ZMYND8: variants seen among roughly 807,000 people sequenced by gnomAD.
The protein encoded by ZMYND8 is MYND-type zinc finger-containing chromatin reader ZMYND8.
ZMYND8 carries 37 observed loss-of-function variants against 140.8 expected under a neutral mutation model. That is an observed-to-expected ratio of 0.26 (90% CI 0.20 to 0.35). The LOEUF is 0.35. ZMYND8 is among the 10% of genes least tolerant of loss of function. The pLI, the probability that ZMYND8 is intolerant of heterozygous loss-of-function variation, is 1.00. For missense variants in ZMYND8, 1,068 were observed against 1,570.0 expected (o/e 0.68, Z 5.40); for synonymous variants, 592 against 597.1 (o/e 0.99, Z 0.12).
chr20:47,242,740 T>A (rs932370432), intron 14 of ZMYND8, among the ~76,000 whole-genome samples: 1 of 152,186 alleles, frequency 6.6e-6, no homozygotes, highest in Admixed American at 6.5e-5. Context: ...CCGATAAGAT[T>A]CCAGGCTCAA....
chr20:47,284,028 T>C (rs1013865189), intron 8 of ZMYND8, among the ~76,000 whole-genome samples: 1 of 152,146 alleles, frequency 6.6e-6, no homozygotes, highest in Non-Finnish European at 1.5e-5. Context: ...GTTCAAGCAA[T>C]TCTCGTGCCT....
chr20:47,241,436 G>A (rs1334515623), intron 14 of ZMYND8, among the ~76,000 whole-genome samples: 1 of 152,156 alleles, frequency 6.6e-6, no homozygotes, highest in Non-Finnish European at 1.5e-5. Flanking sequence ...TCTTGGAGGA[G>A]CTGGGCTGGT....
intron 22 of ZMYND8, 65 bp from the exon 23 acceptor site, chr20:47,210,962 A>C: frequency 3.2e-6 from 5 of 1,576,354 alleles, no homozygotes; most frequent in Non-Finnish European, 4.3e-6. Flanking sequence ...ACTATCCTGC[A>C]ATCTGACCTG....
At chr20:47,271,355 T>C (rs1239234430) in intron 11 of ZMYND8, among the ~76,000 whole-genome samples, 1 of 152,230 alleles carries the variant, frequency 6.6e-6, no homozygotes, top group Non-Finnish European at 1.5e-5. Flanking sequence ...CTGCTTATCA[T>C]TGTAGCACTA....
At position 47,289,127 on chromosome 20, in the gene ZMYND8, C is replaced by T. The variant is rs551004095; in HGVS notation, c.748+1060G>A. On this transcript the variant is annotated intron_variant, in intron 7 of 22. Coordinates refer to ENST00000471951, the MANE Select transcript of ZMYND8 (RefSeq NM_001281775.3). ...TAAATAAATAAATAAATAAATAATCCTATTTTTGCAATGAACAAAATATCT... is the reference window on the plus strand; with the variant it reads ...TAAATAAATAAATAAATAAATAATCTTATTTTTGCAATGAACAAAATATCT... 2.0e-5 allele frequency among the ~76,000 whole-genome samples: 3 copies of T among 152,232 alleles called. No homozygotes were observed. In the South Asian group the frequency reaches 6.2e-4, roughly 32 times the overall value.
chr20:47,275,543 G>A (rs372391884), intron 11 of ZMYND8, among the ~76,000 whole-genome samples: 1 of 150,794 alleles, frequency 6.6e-6, no homozygotes, highest in Non-Finnish European at 1.5e-5. Flanking sequence ...TGACCTTTAA[G>A]GGAATGGGAT....
chr20:47,236,563 C>G (rs748825710), intron 15 of ZMYND8, 47 bp from the exon 16 acceptor site: 1 of 1,491,190 alleles, frequency 6.7e-7, no homozygotes, highest in East Asian at 2.4e-5. Flanking sequence ...AAGGACCCAT[C>G]CCAGCACAAA....
chr20:47,288,410 T>TTTTG (rs2077053588), intron 7 of ZMYND8, among the ~76,000 whole-genome samples: 1 of 150,664 alleles, frequency 6.6e-6, no homozygotes. Context: ...TTTTTTTTTT[T>TTTTG]GAGATGGAGT....
intron 3 of ZMYND8, among the ~76,000 whole-genome samples, chr20:47,307,189 GC>G (rs1185793198): frequency 6.6e-6 from 1 of 152,100 alleles, no homozygotes; most frequent in Non-Finnish European, 1.5e-5. Context: ...GGTGGCTCAT[GC>G]CTGTAATACC....
intron 5 of ZMYND8, among the ~76,000 whole-genome samples, chr20:47,293,857 A>G (rs987257289): frequency 1.3e-5 from 2 of 152,182 alleles, no homozygotes; most frequent in African/African-American, 4.8e-5. Flanking sequence ...TGACTGGATT[A>G]TGGGGGTGGT....
chr20:47,239,150 A>G lies in ZMYND8; in HGVS notation c.2285-12T>C, dbSNP rs1201717455. On this transcript the variant is annotated splice_polypyrimidine_tract_variant and intron_variant, in intron 14 of 22. Transcript: ENST00000471951. ...AGTTTTACCTACAACTAGCCAATGC[A>G]TGAAGAAAAAACAAACAAAAACCGG... is the stretch of plus-strand genomic sequence containing the variant. 2.0e-5 allele frequency: 30 copies of G among 1,485,304 alleles called. No homozygotes were observed. The highest frequency in any genetic ancestry group is 2.6e-5 in the Non-Finnish European group (29 of 1,123,192). 92.0% of individuals were successfully genotyped at this position (1,485,304 alleles called of 1,614,324 possible).
chr20:47,264,253 A>T (rs564982419), intron 11 of ZMYND8, among the ~76,000 whole-genome samples: 1 of 152,322 alleles, frequency 6.6e-6, no homozygotes, highest in East Asian at 1.9e-4. Context: ...TAAATATTAG[A>T]AATTGTTTTA....
At chr20:47,291,435 A>AT (rs1012593515) in intron 6 of ZMYND8, among the ~76,000 whole-genome samples, 3 of 152,180 alleles carry the variant, frequency 2.0e-5, no homozygotes, top group Admixed American at 6.5e-5. Flanking sequence ...CAGACACTTA[A>AT]TTTTCTCTTC....
intron 3 of ZMYND8, among the ~76,000 whole-genome samples, chr20:47,308,484 A>G (rs141293343): frequency 0.032 from 4,790 of 151,530 alleles, 149 homozygotes; most frequent in South Asian, 0.11. Context: ...GCCTCCCAAA[A>G]CGCTGGGATT....
intron 12 of ZMYND8, among the ~76,000 whole-genome samples, chr20:47,254,249 G>T (rs959841494): frequency 6.6e-6 from 1 of 152,192 alleles, no homozygotes; most frequent in Non-Finnish European, 1.5e-5. Context: ...AGAGAAAAAG[G>T]CACGATCTTA....
intron 2 of ZMYND8, among the ~76,000 whole-genome samples, chr20:47,337,067 G>A (rs2081440829): frequency 6.6e-6 from 1 of 151,890 alleles, no homozygotes; most frequent in African/African-American, 2.4e-5. Context: ...AAATCAAAGG[G>A]CCAGCCAGGC....
intron 3 of ZMYND8, among the ~76,000 whole-genome samples, chr20:47,308,925 A>G (rs1481316517): frequency 6.6e-6 from 1 of 152,208 alleles, no homozygotes; most frequent in Non-Finnish European, 1.5e-5. Flanking sequence ...AATAATGCAC[A>G]AAGTGGATGA....
intron 14 of ZMYND8, among the ~76,000 whole-genome samples, chr20:47,241,011 C>A (rs1045446920): frequency 4.0e-5 from 6 of 151,754 alleles, no homozygotes; most frequent in Non-Finnish European, 8.8e-5. Context: ...GAATGAGATT[C>A]TTGGCCGGGT....
chr20:47,310,798 A>C (rs1418879689), intron 2 of ZMYND8, among the ~76,000 whole-genome samples: 4 of 151,724 alleles, frequency 2.6e-5, no homozygotes, highest in Non-Finnish European at 5.9e-5. Context: ...AAAAAAAAAA[A>C]AAAAAAAAAC....
Sources: gnomAD v4.1 joint callset for allele counts (sites outside exome capture counted in the v4.1 genomes callset) on GRCh38, gnomAD v4.1.1 for gene constraint, MANE v1.5 for transcripts, NCBI Gene and HGNC (gene_info 2026-07-23, HGNC 2026-07-21) for gene names.